The following MFHAS1 variants were observed in gnomAD, a reference collection of about 807,000 sequenced individuals.
MFHAS1 encodes the protein multifunctional ROCO family signaling regulator 1, also known as malignant fibrous histiocytoma-amplified sequence 1.
MFHAS1 carries 50 observed loss-of-function variants against 70.4 expected under a neutral mutation model. The observed-to-expected ratio is 0.71, with a 90% CI of 0.57 to 0.90. MFHAS1 has a LOEUF of 0.90. Among genes scored for constraint, MFHAS1 ranks in the 40% least tolerant of loss-of-function variants. The pLI, the probability that MFHAS1 is intolerant of heterozygous loss-of-function variation, is 0.00. For synonymous variants in MFHAS1, 952 were observed against 620.0 expected (o/e 1.54, Z -7.96); for missense variants, 1,795 against 1,347.6 (o/e 1.33, Z -5.20).
chr8:8,823,171 T>C (rs1563190151), intron 1 of MFHAS1, among the ~76,000 whole-genome samples: 1 of 152,318 alleles, frequency 6.6e-6, no homozygotes, highest in Non-Finnish European at 1.5e-5. Flanking sequence ...TAGAACACAG[T>C]AACTACAAAC....
At chr8:8,798,600 G>C (rs1805984352) in intron 1 of MFHAS1, among the ~76,000 whole-genome samples, 1 of 152,164 alleles carries the variant, frequency 6.6e-6, no homozygotes, top group Non-Finnish European at 1.5e-5. Flanking sequence ...GCCTCCCAAA[G>C]TGCTGGGATT....
chr8:8,853,385 C>G (rs2116875745), intron 1 of MFHAS1, among the ~76,000 whole-genome samples: 1 of 149,422 alleles, frequency 6.7e-6, no homozygotes, highest in African/African-American at 2.5e-5. Context: ...CAGGATCTGA[C>G]TCGTAATTAC....
At chr8:8,881,428 C>G (rs550133370) in intron 1 of MFHAS1, among the ~76,000 whole-genome samples, 1 of 152,220 alleles carries the variant, frequency 6.6e-6, no homozygotes, top group African/African-American at 2.4e-5. Context: ...GGAACTCACA[C>G]CAGCAGGTGT....
chr8:8,856,338 A>T (rs1177433789), intron 1 of MFHAS1, among the ~76,000 whole-genome samples: 1 of 152,242 alleles, frequency 6.6e-6, no homozygotes. Flanking sequence ...TGACCTGCAC[A>T]GCCTGGCACA....
intron 1 of MFHAS1, among the ~76,000 whole-genome samples, chr8:8,831,420 T>A (rs927947980): frequency 6.6e-6 from 1 of 152,080 alleles, no homozygotes; most frequent in African/African-American, 2.4e-5. Context: ...CACCTTCTTG[T>A]CTACAGCCAT....
At chr8:8,830,970 CA>C (rs1316120466) in intron 1 of MFHAS1, among the ~76,000 whole-genome samples, 1 of 152,132 alleles carries the variant, frequency 6.6e-6, no homozygotes, top group African/African-American at 2.4e-5. Context: ...GTTGCTATAC[CA>C]AAATACTACG....
intron 1 of MFHAS1, among the ~76,000 whole-genome samples, chr8:8,825,994 C>G (rs557308873): frequency 8.5e-5 from 13 of 152,276 alleles, no homozygotes; most frequent in African/African-American, 2.2e-4. Context: ...GTTAAATGAC[C>G]TGGTTCTGAG....
At chr8:8,848,070 A>G (rs1033852127) in intron 1 of MFHAS1, among the ~76,000 whole-genome samples, 3 of 152,232 alleles carry the variant, frequency 2.0e-5, no homozygotes, top group Admixed American at 2.0e-4. Flanking sequence ...CTGGGTTGCA[A>G]CTGAACTGCT....
At chr8:8,838,892 C>T (rs939044966) in intron 1 of MFHAS1, among the ~76,000 whole-genome samples, 13 of 151,848 alleles carry the variant, frequency 8.6e-5, no homozygotes, top group Non-Finnish European at 1.8e-4. Context: ...TTTTAAAGGA[C>T]TTTCTCTTTC....
At chr8:8,876,693 G>A (rs1206213783) in intron 1 of MFHAS1, among the ~76,000 whole-genome samples, 1 of 151,790 alleles carries the variant, frequency 6.6e-6, no homozygotes, top group Admixed American at 6.6e-5. Context: ...TTTTTATAAA[G>A]GGGAAAAAGT....
intron 1 of MFHAS1, among the ~76,000 whole-genome samples, chr8:8,804,037 T>C (rs895790685): frequency 6.6e-6 from 1 of 152,164 alleles, no homozygotes. Flanking sequence ...GCAAATACCA[T>C]GCCACTGGAT....
rs151104597 is a variant in MFHAS1, at chr8:8,890,486, A to G, written c.2573T>C (p.Val858Ala). 8 of 1,613,802 alleles carry G rather than the reference A, an allele frequency of 5.0e-6. No individual in the cohort carries two copies. The highest frequency in any genetic ancestry group is 1.3e-5 in the African/African-American group (1 of 75,024). The part of the protein sequence containing the change: ...YKFPCYVQNE[V>A]PHAEAWINGT... ...ATTAATCCAGGCTTCTGCATGGGGC[A>G]CCTCGTTCTGCACATAGCATGGGAA... The change falls in exon 1 of 3, where the codon GTG (valine) becomes GCG (alanine). Residue 858 changes from valine to alanine, a missense_variant. Physicochemically the swap from Val to Ala is moderately conservative, Grantham distance 64. Coordinates refer to ENST00000276282, the MANE Select transcript of MFHAS1 (RefSeq NM_004225.3).
At chr8:8,793,053 G>A (rs759760743) in intron 2 of MFHAS1, among the ~76,000 whole-genome samples, 3 of 152,166 alleles carry the variant, frequency 2.0e-5, no homozygotes, top group African/African-American at 7.2e-5. Flanking sequence ...TCCCTGGAGG[G>A]TGAGGTGCAG....
At chr8:8,787,173 T>C (rs190362585) in intron 2 of MFHAS1, among the ~76,000 whole-genome samples, 325 of 151,926 alleles carry the variant, frequency 2.1e-3, no homozygotes, top group African/African-American at 6.6e-3. Context: ...CTCCGCCTCC[T>C]GGGTTCATGC....
At position 8,848,421 on chromosome 8, in the gene MFHAS1, T is replaced by C. The variant is rs549998073; in HGVS notation, c.2998+41640A>G. On this transcript the variant is annotated intron_variant, in intron 1 of 2. Transcript: ENST00000276282. ...AGAAAAAAAAAAAAAAAAGAAGCCA[T>C]GCCATCCCACTTCATTTTCCTCTCC... Among the ~76,000 whole-genome samples the C allele has an allele frequency of 1.3e-3, 199 of 148,470 alleles. 1 individual carries two copies. The highest frequency in any genetic ancestry group is 4.7e-3 in the African/African-American group (192 of 40,598).
chr8:8,834,372 C>A (rs1376706539), intron 1 of MFHAS1, among the ~76,000 whole-genome samples: 1 of 152,194 alleles, frequency 6.6e-6, no homozygotes, highest in Non-Finnish European at 1.5e-5. Context: ...TAGGCCTTCA[C>A]ATTTACTCAT....
intron 1 of MFHAS1, among the ~76,000 whole-genome samples, chr8:8,838,308 G>A (rs1157105076): frequency 6.6e-6 from 1 of 152,128 alleles, no homozygotes; most frequent in East Asian, 1.9e-4. Context: ...GAGGGGAAGG[G>A]TCTATATTCT....
intron 1 of MFHAS1, among the ~76,000 whole-genome samples, chr8:8,874,710 A>T (rs533962170): frequency 6.6e-6 from 1 of 150,972 alleles, no homozygotes; most frequent in South Asian, 2.2e-4. Flanking sequence ...GAAAAATGTT[A>T]TGAGGTTTTT....
chr8:8,873,600 G>C (rs959873701), intron 1 of MFHAS1, among the ~76,000 whole-genome samples: 2 of 151,454 alleles, frequency 1.3e-5, no homozygotes, highest in Non-Finnish European at 2.9e-5. Flanking sequence ...ATTCCCACTT[G>C]GTATGAGGAT....
Sources: allele counts gnomAD v4.1 joint callset (sites outside exome capture counted in the v4.1 genomes callset), GRCh38; gene constraint gnomAD v4.1.1; transcripts MANE v1.5; gene names NCBI Gene and HGNC (gene_info 2026-07-23, HGNC 2026-07-21).